Variants in GSN observed in about 807,000 individuals in gnomAD.
The protein encoded by GSN is gelsolin.
In GSN, 56 loss-of-function variants were observed where a neutral mutation model predicts 85.7. That is an observed-to-expected ratio of 0.65 (90% confidence interval 0.53 to 0.82). The LOEUF is 0.82. Ranked by LOEUF, GSN falls within the 40% of genes least tolerant of loss-of-function variation. GSN has a pLI of 0.00. For synonymous variants in GSN, 373 were observed against 399.1 expected (o/e 0.93, Z 0.78); for missense variants, 857 against 979.8 (o/e 0.87, Z 1.67).
At chr9:121,310,942 G>C in intron 5 of GSN, 97 bp downstream of exon 5, 1 of 1,111,372 alleles carries the variant, frequency 9.0e-7, no homozygotes, top group East Asian at 2.5e-5. Context: ...ATAGATGCAG[G>C]TGGGCAAACC....
upstream of GSN, among the ~76,000 whole-genome samples, chr9:121,203,964 C>T (rs145738232): frequency 1.8e-4 from 28 of 152,276 alleles, no homozygotes; most frequent in Middle Eastern, 3.4e-3. Context: ...CACACTTTAA[C>T]ATTTTTGAAA....
intron 4 of GSN, among the ~76,000 whole-genome samples, chr9:121,211,615 T>C (rs1190266700): frequency 6.6e-6 from 1 of 152,176 alleles, no homozygotes; most frequent in Admixed American, 6.5e-5. Context: ...GGTTAGGACT[T>C]AGCTGAAACC....
In GSN at chr9:121,327,355, G is replaced by A. The variant is rs1366181171; in HGVS notation, c.1635G>A (p.Leu545=). ...GALNSNDAFV[L]KTPSAAYLWV... is the part of the protein sequence containing the mutation. ...TGAACTCCAACGATGCCTTTGTTCTGAAAACCCCCTCAGCCGCCTACCTGT... is the reference window on the plus strand; with the variant it reads ...TGAACTCCAACGATGCCTTTGTTCTAAAAACCCCCTCAGCCGCCTACCTGT... Residue 545 remains leucine (L), a synonymous_variant, in exon 14 of 18, where the codon CTG becomes CTA. Transcript: ENST00000432226. 1 of 1,614,076 alleles carries A rather than the reference G, an allele frequency of 6.2e-7. No individual in the cohort carries two copies. The highest frequency in any genetic ancestry group is 8.5e-7 in the Non-Finnish European group (1 of 1,179,976).
At chr9:121,307,631 C>T (rs992255369) in intron 4 of GSN, among the ~76,000 whole-genome samples, 1 of 152,204 alleles carries the variant, frequency 6.6e-6, no homozygotes, top group East Asian at 1.9e-4. Flanking sequence ...ATTAATAGTT[C>T]CTGCATCAGG....
At chr9:121,296,807 G>A (rs571740290) in intron 2 of GSN, among the ~76,000 whole-genome samples, 1 of 152,228 alleles carries the variant, frequency 6.6e-6, no homozygotes, top group Non-Finnish European at 1.5e-5. Context: ...TGTAGCAAGG[G>A]CTCCAGGGTC....
intron 4 of GSN, chr9:121,231,032 G>A (rs1159024108): frequency 6.6e-6 from 1 of 152,076 alleles, no homozygotes; most frequent in East Asian, 1.9e-4. Flanking sequence ...CATTCCTAAC[G>A]CTAAAACCAA....
chr9:121,321,471 A>ATC lies in GSN; in HGVS notation c.1325+70_1325+71insTC, dbSNP rs147419911. 192 of 1,515,994 alleles carry ATC rather than the reference A, an allele frequency of 1.3e-4. No individual in the cohort carries two copies. The African/African-American group carries it at 2.4e-3, about 19-fold the overall frequency. 93.9% of individuals were successfully genotyped at this position (1,515,994 alleles called of 1,614,324 possible). ...GGGCCCTGAGCAGGGCTGAAGACAAACTGAGGGTGTGAGGGCCTGAGGTGG... is the reference window on the plus strand; with the variant it reads ...GGGCCCTGAGCAGGGCTGAAGACAAATCCTGAGGGTGTGAGGGCCTGAGGTGG... On this transcript the variant is annotated intron_variant, in intron 11 of 17. Transcript: ENST00000432226.
At chr9:121,322,424 G>C (rs2062595502) in intron 11 of GSN, among the ~76,000 whole-genome samples, 1 of 152,172 alleles carries the variant, frequency 6.6e-6, no homozygotes, top group South Asian at 2.1e-4. Context: ...CTGTACTATA[G>C]TTTATTTAAC....
rs569000655 is a variant in GSN, at chr9:121,257,519, T to C, written c.-340-7635T>C. Among the ~76,000 whole-genome samples, 9 of 152,324 alleles carry C rather than the reference T, an allele frequency of 5.9e-5. No homozygotes were observed. In the South Asian group the frequency reaches 8.3e-4, roughly 14 times the overall value. ...TAGAATAACCCCTTCCATTAGCTCA[T>C]TGAACTCTCAAGAATTCTAGGGGAG... On this transcript the variant is annotated intron_variant, in intron 6 of 24. Coordinates refer to the GSN transcript ENST00000373823.
intron 2 of GSN, among the ~76,000 whole-genome samples, chr9:121,289,966 A>C (rs2058530061): frequency 6.6e-6 from 1 of 152,142 alleles, no homozygotes. Flanking sequence ...GAGGGAGCTG[A>C]TGTTATGATC....
chr9:121,324,648 A>G lies in GSN; in HGVS notation c.1416+4A>G. The G allele has an allele frequency of 6.8e-7, 1 of 1,461,644 alleles. No individual in the cohort carries two copies. Among genetic ancestry groups the G allele is most frequent in the Non-Finnish European group, 9.4e-7 (1 of 1,068,700 alleles). The allele number at this position is 1,461,644 out of a possible 1,614,324, so 90.5% of individuals were successfully genotyped here. ...GCTGGGAGGTACCCCTGTCCAGGTG[A>G]GCCCAGCCCACCGCCTCTCTGGGCT... On this transcript the variant is annotated splice_donor_region_variant and intron_variant, in intron 12 of 17. Transcript: ENST00000432226.
chr9:121,221,065 C>T (rs1183712657), intron 4 of GSN, among the ~76,000 whole-genome samples: 1 of 152,230 alleles, frequency 6.6e-6, no homozygotes, highest in African/African-American at 2.4e-5. Flanking sequence ...GACTCCATCT[C>T]CTGCTCTCTT....
intron 2 of GSN, chr9:121,282,385 C>T: frequency 1.2e-6 from 1 of 818,362 alleles, no homozygotes; most frequent in Non-Finnish European, 1.8e-6. Context: ...AGCAATTGTG[C>T]AAGAACCCAG....
chr9:121,300,129 A>G (rs1252117415), intron 2 of GSN: 36 of 1,601,912 alleles, frequency 2.2e-5, no homozygotes, highest in Non-Finnish European at 3.0e-5. Flanking sequence ...GTTGCTTTGT[A>G]AGTATCTCTT....
At chr9:121,281,615 C>T in intron 2 of GSN, 53 bp downstream of exon 2, 2 of 471,196 alleles carry the variant, frequency 4.2e-6, no homozygotes, top group South Asian at 1.5e-5. Context: ...GCCCTGGCTG[C>T]CCAGGGAAGC....
chr9:121,229,228 T>G, intron 4 of GSN, among the ~76,000 whole-genome samples: 1 of 152,142 alleles, frequency 6.6e-6, no homozygotes, highest in East Asian at 1.9e-4. Flanking sequence ...ATTTTATTAT[T>G]ATTATTATTT....
chr9:121,233,273 G>A (rs2054429576), intron 5 of GSN, among the ~76,000 whole-genome samples: 1 of 152,114 alleles, frequency 6.6e-6, no homozygotes, highest in Non-Finnish European at 1.5e-5. Flanking sequence ...AGACCAGCCT[G>A]ATTAACATGG....
intron 7 of GSN, among the ~76,000 whole-genome samples, chr9:121,316,874 T>C (rs1020770127): frequency 1.4e-5 from 2 of 146,736 alleles, no homozygotes; most frequent in East Asian, 2.2e-4. Flanking sequence ...TCCCTTCCCA[T>C]GTGCAGTTTG....
chr9:121,303,946 A>G (rs752965239), intron 4 of GSN, among the ~76,000 whole-genome samples: 7 of 152,210 alleles, frequency 4.6e-5, no homozygotes, highest in Non-Finnish European at 7.3e-5. Context: ...GTCTTAAGCA[A>G]TTGGCCCAGA....
Sources: allele counts gnomAD v4.1 joint callset (sites outside exome capture counted in the v4.1 genomes callset), GRCh38; gene constraint gnomAD v4.1.1; transcripts MANE v1.5; gene names NCBI Gene and HGNC (gene_info 2026-07-23, HGNC 2026-07-21).